The following ERN2 variants were observed in gnomAD, a reference collection of about 807,000 sequenced individuals.
ERN2 encodes serine/threonine-protein kinase/endoribonuclease IRE2.
In ERN2, 111 loss-of-function variants were observed where a neutral mutation model predicts 107.9. The ratio of observed to expected loss-of-function variants is 1.03; its 90% CI spans 0.88 to 1.20. ERN2 has a LOEUF of 1.20. ERN2 is among the 50% of genes most tolerant of loss of function. ERN2 has a pLI of 0.00. For missense variants in ERN2, 1,225 were observed against 1,197.9 expected (o/e 1.02, Z -0.33); for synonymous variants, 524 against 501.7 (o/e 1.04, Z -0.59).
chr16:23,695,451 C>T (rs975907127), intron 14 of ERN2, 62 bp from the exon 15 acceptor site: 47 of 1,479,712 alleles, frequency 3.2e-5, no homozygotes, highest in Non-Finnish European at 4.3e-5. Flanking sequence ...AAGGGACAAA[C>T]ATGGTGGCTC....
In ERN2 at chr16:23,695,911, G is replaced by C. The variant is rs375355404; in HGVS notation, c.1593C>G (p.Gly531=). Residue 531 remains glycine, a synonymous_variant, in exon 14 of 22, where the codon GGC becomes GGG. Coordinates refer to ENST00000256797, the MANE Select transcript of ERN2 (RefSeq NM_033266.4). ...NPKDVLGRGA[G]GTFVFRGQFE... is the part of the protein sequence containing the mutation. ...CCACTCACCGGAAAACGAAAGTCCC[G>C]CCTGCCCCGCGGCCCAGCACGTCCT... is the stretch of plus-strand genomic sequence containing the variant. 1.2e-5 allele frequency: 19 copies of C among 1,613,842 alleles called. No individual in the cohort carries two copies. The highest frequency in any genetic ancestry group is 4.0e-5 in the African/African-American group (3 of 74,898).
Position 23,704,980 on chromosome 16 carries a change from G to T in ERN2, c.757C>A (p.Leu253Met). 3 of 1,613,984 alleles carry T rather than the reference G, an allele frequency of 1.9e-6. No homozygotes were observed. Among genetic ancestry groups the T allele is most frequent in the Non-Finnish European group, 2.5e-6 (3 of 1,180,000 alleles). ...LPHLTLARDTLHFLALRWGHI... is the reference protein window; with the variant it reads ...LPHLTLARDTMHFLALRWGHI... ...CCCCAGCGGAGGGCGAGGAAATGCA[G>T]AGTGTCTCGAGCCAGCGTGAGATGC... The change falls in exon 8 of 22, where the codon CTG (leucine) becomes ATG (methionine). Residue 253 changes from leucine to methionine, a missense_variant. Transcript: ENST00000256797.
chr16:23,713,085 T>C lies in ERN2; in HGVS notation c.93+10A>G. On this transcript the variant is annotated intron_variant, in intron 1 of 21. Transcript: ENST00000256797. ...ACTTTGGGGACTTGGCGTCGGTCCC[T>C]GGCTCTCACCTGTGGACTCAGCGTC... is the stretch of plus-strand genomic sequence containing the variant. The C allele has an allele frequency of 1.3e-6, 2 of 1,548,724 alleles. No homozygotes were observed. Among genetic ancestry groups the C allele is most frequent in the Non-Finnish European group, 1.7e-6 (2 of 1,154,342 alleles).
At position 23,691,341 on chromosome 16, in the gene ERN2, C is replaced by T. The variant is rs1164294184; in HGVS notation, c.2461G>A (p.Asp821Asn). 5.6e-6 allele frequency: 9 copies of T among 1,607,036 alleles called. No homozygotes were observed. Residue 821 changes from aspartate to asparagine, a missense_variant, in exon 20 of 22, where the codon GAC (aspartate) becomes AAC (asparagine). By Grantham distance (23) the Asp-to-Asn change is conservative. Transcript: ENST00000256797. ...LEAGGCAVVR[D>N]NWHEHISMPL... ...ATGGAGATGTGCTCGTGCCAGTTGT[C>T]CCGGACCACTGCGCAGCCTCCCGCC...
intron 19 of ERN2, 79 bp downstream of exon 19, chr16:23,691,884 T>A: frequency 6.5e-7 from 1 of 1,532,418 alleles, no homozygotes; most frequent in South Asian, 1.2e-5. Flanking sequence ...TTCCCTCAGC[T>A]AATCTAATAT....
In ERN2 at chr16:23,706,989, G is replaced by A. The variant is rs765938164; in HGVS notation, c.379+18C>T. On this transcript the variant is annotated intron_variant, in intron 5 of 21. Coordinates refer to ENST00000256797, the MANE Select transcript of ERN2 (RefSeq NM_033266.4). ...CTGCTGGCTGAACCTGGACCCCACAGGCTGAAGAGATGCTCACCTGTGTAG... is the reference window on the plus strand; with the variant it reads ...CTGCTGGCTGAACCTGGACCCCACAAGCTGAAGAGATGCTCACCTGTGTAG... 1 of 1,611,990 alleles carries A rather than the reference G, an allele frequency of 6.2e-7. No homozygotes were observed. Among genetic ancestry groups the A allele is most frequent in the African/African-American group, 1.3e-5 (1 of 74,892 alleles).
At chr16:23,693,094 A>G (rs558770816) in intron 17 of ERN2, among the ~76,000 whole-genome samples, 8 of 152,096 alleles carry the variant, frequency 5.3e-5, no homozygotes, top group African/African-American at 1.9e-4. Flanking sequence ...GGAGTTCAAG[A>G]CCAGCGTGGG....
chr16:23,699,553 A>C (rs1959963595), intron 13 of ERN2, among the ~76,000 whole-genome samples: 1 of 152,136 alleles, frequency 6.6e-6, no homozygotes, highest in Admixed American at 6.5e-5. Context: ...CCTTCTGAGT[A>C]GCTGGGACTG....
In ERN2 at chr16:23,702,640, G is replaced by A. The variant is rs1960134752; in HGVS notation, c.917C>T (p.Thr306Ile). The A allele has an allele frequency of 2.5e-6, 4 of 1,614,044 alleles. No individual in the cohort carries two copies. The African/African-American group carries it at 4.0e-5, about 16-fold the overall frequency. The change falls in exon 9 of 22, where the codon ACA becomes ATA. Residue 306 changes from threonine to isoleucine, a missense_variant. Thr to Ile is a moderately conservative substitution (Grantham distance 89). Coordinates refer to ENST00000256797, the MANE Select transcript of ERN2 (RefSeq NM_033266.4). Reference protein sequence around the residue: ...GFYVSKALVHTGVALVPRGLT... With the variant: ...GFYVSKALVHIGVALVPRGLT... ...ACTTCTTACCACCAGGGCCACTCCT[G>A]TGTGGACCAGTGCTTTAGAGACATA...
At chr16:23,697,556 G>GT (rs1416642965) in intron 13 of ERN2, among the ~76,000 whole-genome samples, 1 of 152,118 alleles carries the variant, frequency 6.6e-6, no homozygotes, top group Non-Finnish European at 1.5e-5. Context: ...TCGGCATGGA[G>GT]TAAACACTTG....
chr16:23,706,473 A>T, intron 6 of ERN2, 42 bp from the exon 7 acceptor site: 6 of 1,434,534 alleles, frequency 4.2e-6, no homozygotes, highest in Non-Finnish European at 4.8e-6. Flanking sequence ...CGTCCATTTG[A>T]TGCTCCCTCC....
rs758043104 is a variant in ERN2, at chr16:23,702,633, C to A, written c.924G>T (p.Val308=). 2.5e-6 allele frequency: 4 copies of A among 1,614,028 alleles called. No homozygotes were observed. In the East Asian group the frequency reaches 8.9e-5, roughly 36 times the overall value. Residue 308 remains valine (V), a synonymous_variant, in exon 9 of 22, where the codon GTG becomes GTT. Coordinates refer to ENST00000256797, the MANE Select transcript of ERN2 (RefSeq NM_033266.4). ...YVSKALVHTG[V]ALVPRGLTLA... ...AGAGACCACTTCTTACCACCAGGGCCACTCCTGTGTGGACCAGTGCTTTAG... is the reference window on the plus strand; with the variant it reads ...AGAGACCACTTCTTACCACCAGGGCAACTCCTGTGTGGACCAGTGCTTTAG...
chr16:23,694,061 G>T (rs1187934175), intron 17 of ERN2, among the ~76,000 whole-genome samples: 1 of 152,102 alleles, frequency 6.6e-6, no homozygotes, highest in Non-Finnish European at 1.5e-5. Flanking sequence ...GCAGTAGTGT[G>T]ATCTTGACTC....
At chr16:23,691,475 T>G in intron 19 of ERN2, 50 bp from the exon 20 acceptor site, 1 of 1,580,322 alleles carries the variant, frequency 6.3e-7, no homozygotes, top group South Asian at 1.1e-5. Flanking sequence ...AGAGGCCACA[T>G]AGCCAGGAGT....
At position 23,707,023 on chromosome 16, in the gene ERN2, A is replaced by T; in HGVS notation, c.363T>A (p.Asp121Glu). 1 of 1,614,070 alleles carries T rather than the reference A, an allele frequency of 6.2e-7. No homozygotes were observed. Among genetic ancestry groups the T allele is most frequent in the Non-Finnish European group, 8.5e-7 (1 of 1,179,912 alleles). ...LVHASPCRSS[D>E]GVFYTGRKQD... ...GATGCTCACCTGTGTAGAAGACCCCATCAGAGCTGCGGCAGGGAGAGGCAT... is the reference window on the plus strand; with the variant it reads ...GATGCTCACCTGTGTAGAAGACCCCTTCAGAGCTGCGGCAGGGAGAGGCAT... The change falls in exon 5 of 22, where the codon GAT becomes GAA. Residue 121 changes from aspartate to glutamate, a missense_variant. Asp to Glu is a conservative substitution (Grantham distance 45). Transcript: ENST00000256797.
intron 13 of ERN2, among the ~76,000 whole-genome samples, chr16:23,699,237 C>T (rs1030684461): frequency 6.6e-6 from 1 of 152,168 alleles, no homozygotes; most frequent in African/African-American, 2.4e-5. Context: ...CAGAGGCGGA[C>T]ATTGCGAACA....
chr16:23,702,852 G>A, intron 8 of ERN2, 150 bp from the exon 9 acceptor site: 2 of 707,812 alleles, frequency 2.8e-6, no homozygotes, highest in Non-Finnish European at 4.9e-6. Context: ...AACAGCAAAT[G>A]TGACATAAGT....
chr16:23,692,219 G>A lies in ERN2; in HGVS notation c.2213C>T (p.Ala738Val), dbSNP rs140064841. 66 of 1,614,050 alleles carry A rather than the reference G, an allele frequency of 4.1e-5. No homozygotes were observed. The highest frequency in any genetic ancestry group is 5.3e-5 in the Non-Finnish European group (63 of 1,180,040). The change falls in exon 18 of 22, where the codon GCT becomes GTT. Residue 738 changes from alanine to valine, a missense_variant. Coordinates refer to ENST00000256797, the MANE Select transcript of ERN2 (RefSeq NM_033266.4). ...LYRQANILTG[A>V]PCLAHLEEEV... ...TTCCTCCAGGTGAGCCAGACAGGGA[G>A]CCCCTGTGAGGATGTTTGCCTGGCG...
chr16:23,711,933 G>C (rs1009701436), intron 1 of ERN2: 22 of 303,034 alleles, frequency 7.3e-5, no homozygotes, highest in Non-Finnish European at 3.6e-5. Flanking sequence ...AGGCTGGGGG[G>C]TGCCCTTGGG....
Sources: gnomAD v4.1 joint callset for allele counts (sites outside exome capture counted in the v4.1 genomes callset) on GRCh38, gnomAD v4.1.1 for gene constraint, MANE v1.5 for transcripts, NCBI Gene and HGNC (gene_info 2026-07-23, HGNC 2026-07-21) for gene names.